CLK1: variants seen among roughly 807,000 people sequenced by gnomAD.
CLK1 encodes the protein CDC like kinase 1, also known as dual specificity protein kinase CLK1.
Under a neutral mutation model 60.9 loss-of-function variants are expected in CLK1, and 40 were observed. The ratio of observed to expected loss-of-function variants is 0.66; its 90% CI spans 0.51 to 0.86. CLK1 has a LOEUF of 0.86. Among genes scored for constraint, CLK1 ranks in the 40% least tolerant of loss-of-function variants. The pLI is 0.00. For synonymous variants in CLK1, 203 were observed against 184.4 expected (o/e 1.10, Z -0.82); for missense variants, 563 against 606.1 (o/e 0.93, Z 0.75).
intron 9 of CLK1, among the ~76,000 whole-genome samples, chr2:200,855,517 C>G (rs1276814196): frequency 6.6e-6 from 1 of 151,992 alleles, no homozygotes; most frequent in Middle Eastern, 3.2e-3. Context: ...CCCAGCTACT[C>G]AGGAGGCTGA....
At chr2:200,859,331 T>C (rs757243628) in intron 5 of CLK1, among the ~76,000 whole-genome samples, 3 of 152,200 alleles carry the variant, frequency 2.0e-5, no homozygotes, top group African/African-American at 7.2e-5. Context: ...AGGTCTGGGG[T>C]AGGCAAACCT....
intron 1 of CLK1, chr2:200,864,363 G>A (rs1297833093): frequency 7.5e-6 from 9 of 1,206,008 alleles, no homozygotes; most frequent in Admixed American, 6.8e-5. Context: ...ACCCCCGCAG[G>A]CCGGATCCGG....
chr2:200,855,347 G>A (rs964399122), intron 9 of CLK1, among the ~76,000 whole-genome samples: 2 of 152,146 alleles, frequency 1.3e-5, no homozygotes, highest in South Asian at 2.1e-4. Flanking sequence ...GCCGGGCACA[G>A]TGGCTCACGC....
intron 1 of CLK1, among the ~76,000 whole-genome samples, chr2:200,863,492 A>G (rs546006757): frequency 5.9e-5 from 9 of 152,176 alleles, no homozygotes; most frequent in African/African-American, 2.2e-4. Flanking sequence ...CAGATGTCGA[A>G]GCTGCAGTGA....
intron 11 of CLK1, 136 bp downstream of exon 11, chr2:200,854,480 G>C: frequency 1.7e-6 from 1 of 577,034 alleles, no homozygotes. Flanking sequence ...AGCTTGCATT[G>C]AGCCGAGGTC....
chr2:200,856,553 T>C (rs972364118), intron 9 of CLK1, 129 bp downstream of exon 9: 3 of 676,026 alleles, frequency 4.4e-6, no homozygotes, highest in Admixed American at 3.2e-5. Context: ...AAATCCATAA[T>C]GCACTTCATG....
chr2:200,861,664 G>C, intron 2 of CLK1, 38 bp downstream of exon 2: 1 of 1,605,148 alleles, frequency 6.2e-7, no homozygotes, highest in Non-Finnish European at 8.5e-7. Context: ...GTCTAGTAAT[G>C]TATTGTTATA....
chr2:200,857,533 G>A (rs1204864192), intron 7 of CLK1, 185 bp downstream of exon 7: 2 of 502,176 alleles, frequency 4.0e-6, no homozygotes, highest in South Asian at 3.5e-5. Flanking sequence ...TTATATGGTG[G>A]ATATCCTACT....
At chr2:200,854,571 T>C (rs369209754) in intron 11 of CLK1, 45 bp downstream of exon 11, 1 of 1,150,210 alleles carries the variant, frequency 8.7e-7, no homozygotes, top group Non-Finnish European at 1.3e-6. Flanking sequence ...AATCAGCAGA[T>C]GTGATCAAAT....
At chr2:200,860,673 A>G (rs1312066529) in intron 3 of CLK1, 2 of 996,806 alleles carry the variant, frequency 2.0e-6, no homozygotes, top group African/African-American at 1.7e-5. Flanking sequence ...AAATAAAATT[A>G]AAGTGCTAAT....
At chr2:200,864,535 C>G in intron 1 of CLK1, 29 bp downstream of exon 1, 1 of 372,688 alleles carries the variant, frequency 2.7e-6, no homozygotes, top group Non-Finnish European at 4.9e-6. Context: ...ACGGCCCTGT[C>G]ACCTAGTCCG....
chr2:200,864,416 A>G (rs910941701), intron 1 of CLK1, 148 bp downstream of exon 1: 2 of 716,856 alleles, frequency 2.8e-6, no homozygotes, highest in Admixed American at 6.9e-5. Flanking sequence ...GCGCGCCGCC[A>G]CTGTGCAGCC....
intron 1 of CLK1, among the ~76,000 whole-genome samples, chr2:200,863,769 G>A (rs151017614): frequency 0.029 from 4,482 of 152,082 alleles, 168 homozygotes; most frequent in African/African-American, 0.085. Flanking sequence ...CAGGAGAATC[G>A]CTTGAACCCG....
rs1260375294 is a variant in CLK1, at chr2:200,860,165, A to G, written c.441T>C (p.Gly147=). The change falls in exon 4 of 13, where the codon GGT becomes GGC. Residue 147 remains glycine (G), a synonymous_variant. Transcript: ENST00000321356. ...RTRSVEDDEE[G]HLICQSGDVL... Reference sequence around the variant, plus strand: ...CGTCTCCACTCTGACAGATCAGGTGACCCTCCTCATCATCCTCTACACTCC... The same window carrying G: ...CGTCTCCACTCTGACAGATCAGGTGGCCCTCCTCATCATCCTCTACACTCC... The G allele has an allele frequency of 6.2e-7, 1 of 1,614,080 alleles. No individual in the cohort carries two copies. Among genetic ancestry groups the G allele is most frequent in the East Asian group, 2.2e-5 (1 of 44,888 alleles).
chr2:200,860,090 T>C (rs781299680), intron 4 of CLK1, 35 bp downstream of exon 4: 14 of 1,605,064 alleles, frequency 8.7e-6, no homozygotes, highest in Non-Finnish European at 1.2e-5. Flanking sequence ...TTATGTTATC[T>C]GAAAAGTTAA....
intron 9 of CLK1, among the ~76,000 whole-genome samples, chr2:200,855,548 C>T (rs1397744211): frequency 6.6e-6 from 1 of 151,982 alleles, no homozygotes; most frequent in African/African-American, 2.4e-5. Context: ...TGGAGTGAAC[C>T]CCATAGGCGG....
rs561496386 is a variant in CLK1 at position 200,853,039 on chromosome 2, G to A, written c.*267C>T. On this transcript the variant is annotated 3_prime_UTR_variant, in exon 13 of 13. Transcript: ENST00000321356. ...GTCCATTCTTTAATAGAAGTAGGAA[G>A]AAAAATGGTACTTAGAACAAACTGT... 11 of 258,228 alleles carry A rather than the reference G, an allele frequency of 4.3e-5. No individual in the cohort carries two copies. In the South Asian group the frequency reaches 1.8e-3, roughly 42 times the overall value. 16.0% of individuals were successfully genotyped at this position (258,228 alleles called of 1,614,324 possible). A position where few individuals can be genotyped will look rare whatever the true frequency, so the allele number is the denominator to read the frequency against.
chr2:200,860,283 A>C, intron 3 of CLK1, 68 bp from the exon 4 acceptor site: 1 of 1,601,984 alleles, frequency 6.2e-7, no homozygotes, highest in Non-Finnish European at 8.5e-7. Context: ...AATTCAGGGC[A>C]GAATACGAAA....
rs1161218103 is a variant in CLK1, at chr2:200,856,997, GA to G, written c.833-13del. ...ATTACTGTGCAAAACTGAGAATAAA[GA>G]GAAAGTTGCTGTAATCAGAAAACAC... On this transcript the variant is annotated splice_polypyrimidine_tract_variant and intron_variant, in intron 7 of 12. Coordinates refer to ENST00000321356, the MANE Select transcript of CLK1 (RefSeq NM_004071.4). 1.9e-6 allele frequency: 3 copies of G among 1,607,744 alleles called. No individual in the cohort carries two copies. Among genetic ancestry groups the G allele is most frequent in the Non-Finnish European group, 2.6e-6 (3 of 1,175,196 alleles).
Sources: gnomAD v4.1 joint callset for allele counts (sites outside exome capture counted in the v4.1 genomes callset) on GRCh38, gnomAD v4.1.1 for gene constraint, MANE v1.5 for transcripts, NCBI Gene and HGNC (gene_info 2026-07-23, HGNC 2026-07-21) for gene names.